NFIB: variants seen among roughly 807,000 people sequenced by gnomAD.
NFIB encodes the protein nuclear factor I B.
A neutral mutation model predicts 61.5 loss-of-function variants in NFIB; 11 were observed. That is an observed-to-expected ratio of 0.18 (90% CI 0.11 to 0.30). The LOEUF is 0.30. NFIB is among the 10% of genes least tolerant of loss of function. The pLI, the probability that NFIB is intolerant of heterozygous loss-of-function variation, is 1.00. For missense variants in NFIB, 471 were observed against 608.9 expected (o/e 0.77, Z 2.38); for synonymous variants, 260 against 216.5 (o/e 1.20, Z -1.76).
intron 2 of NFIB, among the ~76,000 whole-genome samples, chr9:14,261,021 T>C (rs1242110957): frequency 6.6e-6 from 1 of 152,112 alleles, no homozygotes; most frequent in Admixed American, 6.5e-5. Flanking sequence ...CAACAGCATT[T>C]AAGACTGAAA....
At chr9:14,333,784 G>A (rs1011880473) in intron 1 of NFIB, among the ~76,000 whole-genome samples, 6 of 152,076 alleles carry the variant, frequency 3.9e-5, no homozygotes, top group African/African-American at 1.4e-4. Context: ...ATAGCTAAAT[G>A]TATTTTCCAT....
At chr9:14,119,064 A>C in intron 8 of NFIB, among the ~76,000 whole-genome samples, 1 of 152,114 alleles carries the variant, frequency 6.6e-6, no homozygotes. Context: ...ATTAACGTTA[A>C]GGACTTTTAA....
chr9:14,165,718 A>G (rs906726004), intron 3 of NFIB, among the ~76,000 whole-genome samples: 6 of 152,160 alleles, frequency 3.9e-5, no homozygotes, highest in Non-Finnish European at 7.4e-5. Context: ...TCCTCTTTGC[A>G]GCCCTTAAAA....
At chr9:14,219,505 C>T (rs1354919362) in intron 2 of NFIB, among the ~76,000 whole-genome samples, 1 of 151,164 alleles carries the variant, frequency 6.6e-6, no homozygotes, top group African/African-American at 2.4e-5. Flanking sequence ...TGTTTGCAGG[C>T]TTCTTTTCTC....
the NFIB span, among the ~76,000 whole-genome samples, chr9:14,493,231 T>A: frequency 2.0e-5 from 3 of 152,162 alleles, no homozygotes; most frequent in Non-Finnish European, 4.4e-5. Flanking sequence ...AGCTTATACT[T>A]TCCTACCATG....
At chr9:14,403,594 C>T (rs2061763422), upstream of NFIB, among the ~76,000 whole-genome samples, 1 of 147,256 alleles carries the variant, frequency 6.8e-6, no homozygotes, top group South Asian at 2.4e-4. Flanking sequence ...AACTTTTTAA[C>T]CTCATCTAAA....
chr9:14,508,978 T>C, the NFIB span, among the ~76,000 whole-genome samples: 13 of 152,200 alleles, frequency 8.5e-5, no homozygotes, highest in African/African-American at 1.4e-4. Flanking sequence ...CTTAGAGCAA[T>C]GAGAATGAAG....
the NFIB span, among the ~76,000 whole-genome samples, chr9:14,439,220 G>T: frequency 2.0e-5 from 3 of 152,048 alleles, no homozygotes; most frequent in African/African-American, 7.2e-5. Flanking sequence ...AAAATAAAAA[G>T]ATAGCCAGGC....
At chr9:14,481,195 G>GTATATATA in the NFIB span, among the ~76,000 whole-genome samples, 10 of 35,066 alleles carry the variant, frequency 2.9e-4, no homozygotes, top group African/African-American at 9.3e-4. Context: ...GTGTGTGTGT[G>GTATATATA]TGTATATATA....
chr9:14,369,205 C>G (rs904973789), intron 1 of NFIB, among the ~76,000 whole-genome samples: 1 of 152,142 alleles, frequency 6.6e-6, no homozygotes, highest in African/African-American at 2.4e-5. Flanking sequence ...AGTAGTATGA[C>G]GATCAGCGTT....
chr9:14,305,412 A>C (rs929969831), intron 2 of NFIB, among the ~76,000 whole-genome samples: 1 of 152,192 alleles, frequency 6.6e-6, no homozygotes, highest in African/African-American at 2.4e-5. Flanking sequence ...CAACACATAT[A>C]TACAGCCCAC....
At chr9:14,357,071 G>GA (rs1214793855) in intron 1 of NFIB, 1 of 152,214 alleles carries the variant, frequency 6.6e-6, no homozygotes, top group Non-Finnish European at 1.5e-5. Flanking sequence ...GGGAATGAGT[G>GA]AAAGACTGTT....
intron 1 of NFIB, among the ~76,000 whole-genome samples, chr9:14,340,898 G>C (rs971928056): frequency 3.3e-5 from 5 of 151,684 alleles, no homozygotes; most frequent in African/African-American, 1.2e-4. Context: ...GGAAAGAACA[G>C]AGGACTGACC....
intron 1 of NFIB, among the ~76,000 whole-genome samples, chr9:14,391,752 T>C (rs2061625483): frequency 6.6e-6 from 1 of 152,122 alleles, no homozygotes; most frequent in Non-Finnish European, 1.5e-5. Context: ...CCTGGAACCA[T>C]GCCAATGTAT....
chr9:14,150,883 C>A (rs928747313), intron 4 of NFIB, among the ~76,000 whole-genome samples: 1 of 151,792 alleles, frequency 6.6e-6, no homozygotes, highest in African/African-American at 2.4e-5. Flanking sequence ...CCCCATTTAC[C>A]CTGATGTGAT....
At chr9:14,379,733 A>T (rs2132996176) in intron 1 of NFIB, among the ~76,000 whole-genome samples, 1 of 152,098 alleles carries the variant, frequency 6.6e-6, no homozygotes, top group South Asian at 2.1e-4. Flanking sequence ...CCCAGGCTGG[A>T]GTGCAATGGC....
At chr9:14,172,713 C>T (rs10961402) in intron 3 of NFIB, among the ~76,000 whole-genome samples, 14,120 of 152,096 alleles carry the variant, frequency 0.093, 950 homozygotes, top group East Asian at 0.34. Flanking sequence ...TCTTATGCAT[C>T]TTCTGTAACT....
At chr9:14,097,869 T>C (rs1563780834) in intron 10 of NFIB, among the ~76,000 whole-genome samples, 1 of 141,774 alleles carries the variant, frequency 7.1e-6, no homozygotes, top group Non-Finnish European at 1.5e-5. Flanking sequence ...TCTTTCTTTC[T>C]TTTTTCTTTT....
intron 2 of NFIB, among the ~76,000 whole-genome samples, chr9:14,286,934 T>C (rs1178183536): frequency 2.0e-5 from 3 of 152,138 alleles, no homozygotes; most frequent in Admixed American, 2.0e-4. Flanking sequence ...CAAAACCCAC[T>C]GTATATCACC....
Sources: allele counts gnomAD v4.1 joint callset (sites outside exome capture counted in the v4.1 genomes callset), GRCh38; gene constraint gnomAD v4.1.1; transcripts MANE v1.5; gene names NCBI Gene and HGNC (gene_info 2026-07-23, HGNC 2026-07-21).